Variants in CSMD1 observed in about 807,000 individuals in gnomAD.
CSMD1 encodes CUB and Sushi multiple domains 1.
Under a neutral mutation model 417.5 loss-of-function variants are expected in CSMD1, and 213 were observed. The observed-to-expected ratio is 0.51, with a 90% CI of 0.46 to 0.57. The LOEUF (loss-of-function observed/expected upper bound fraction) is 0.57, where lower values mean the gene tolerates loss of function less well. Among genes scored for constraint, CSMD1 ranks in the 20% least tolerant of loss-of-function variants. The probability of loss-of-function intolerance (pLI) is 0.00; values close to 1 mark genes in which losing one functional copy is unlikely to be tolerated. For synonymous variants in CSMD1, 2,862 were observed against 1,736.8 expected (o/e 1.65, Z -16.11); for missense variants, 6,923 against 4,529.7 (o/e 1.53, Z -15.17).
At chr8:3,071,896 G>T (rs1813347400) in intron 49 of CSMD1, among the ~76,000 whole-genome samples, 1 of 152,128 alleles carries the variant, frequency 6.6e-6, no homozygotes, top group African/African-American at 2.4e-5. Flanking sequence ...GCACATAATT[G>T]AAACTCCTGT....
chr8:3,987,705 G>T (rs578104642), intron 5 of CSMD1, among the ~76,000 whole-genome samples: 68 of 152,298 alleles, frequency 4.5e-4, no homozygotes, highest in African/African-American at 1.6e-3. Flanking sequence ...AAACTGCAAG[G>T]TGGAACGAGG....
At chr8:4,825,292 AAAC>A (rs1799761062) in intron 1 of CSMD1, among the ~76,000 whole-genome samples, 2 of 152,110 alleles carry the variant, frequency 1.3e-5, no homozygotes, top group Admixed American at 6.6e-5. Flanking sequence ...TCAAGGATAT[AAAC>A]AACTATTAGC....
intron 3 of CSMD1, among the ~76,000 whole-genome samples, chr8:4,215,306 C>A (rs1273215472): frequency 6.6e-6 from 1 of 152,198 alleles, no homozygotes; most frequent in African/African-American, 2.4e-5. Flanking sequence ...TCCCTCCCCA[C>A]CACCCAATAG....
intron 69 of CSMD1, among the ~76,000 whole-genome samples, chr8:2,941,834 A>C (rs1376520276): frequency 6.6e-6 from 1 of 152,246 alleles, no homozygotes; most frequent in Non-Finnish European, 1.5e-5. Flanking sequence ...GGCCATAGAG[A>C]ACATTCTGTT....
At chr8:4,157,360 G>A (rs991128592) in intron 3 of CSMD1, among the ~76,000 whole-genome samples, 43 of 152,142 alleles carry the variant, frequency 2.8e-4, no homozygotes, top group Admixed American at 9.8e-4. Context: ...CATTTTCTTT[G>A]AAGAAAATGT....
At position 3,514,529 on chromosome 8, in the gene CSMD1, T is replaced by C. The variant is rs141690933; in HGVS notation, c.1345-20803A>G. On this transcript the variant is annotated intron_variant, in intron 10 of 69. Transcript: ENST00000635120. ...GGCTTTAATGACAATCACTTAAAAG[T>C]AATGTTTCACAAATAAATAATATGT... 7.2e-4 allele frequency among the ~76,000 whole-genome samples: 110 copies of C among 152,330 alleles called. 1 individual carries two copies. The highest frequency in any genetic ancestry group is 2.3e-3 in the African/African-American group (96 of 41,564).
chr8:4,141,125 T>G (rs939750012), intron 3 of CSMD1, among the ~76,000 whole-genome samples: 1 of 151,228 alleles, frequency 6.6e-6, no homozygotes, highest in African/African-American at 2.5e-5. Context: ...TTACCTATGT[T>G]TCCTCCAAGA....
rs769226919 is a variant in CSMD1 at position 4,283,943 on chromosome 8, A to G, written c.415+136010T>C. 1.2e-4 allele frequency among the ~76,000 whole-genome samples: 18 copies of G among 152,304 alleles called. No homozygotes were observed. The East Asian group carries it at 2.9e-3, about 25-fold the overall frequency. On this transcript the variant is annotated intron_variant, in intron 3 of 69. Coordinates refer to ENST00000635120, the MANE Select transcript of CSMD1 (RefSeq NM_033225.6). ...AAATCTGGACACACCATTATTAACAATAAGTTTGGCCAGGGGTGGTGGCTC... is the reference window on the plus strand; with the variant it reads ...AAATCTGGACACACCATTATTAACAGTAAGTTTGGCCAGGGGTGGTGGCTC...
intron 6 of CSMD1, among the ~76,000 whole-genome samples, chr8:3,749,062 G>A (rs1008615547): frequency 2.0e-5 from 3 of 152,128 alleles, no homozygotes; most frequent in Admixed American, 2.0e-4. Context: ...ACACTTAGAT[G>A]ACTATTTAGT....
chr8:4,566,512 G>A (rs921996864), intron 2 of CSMD1, among the ~76,000 whole-genome samples: 1 of 151,766 alleles, frequency 6.6e-6, no homozygotes, highest in African/African-American at 2.4e-5. Context: ...AATTAGCCGG[G>A]CGTGGTGGCG....
chr8:3,316,723 G>C (rs556885210), intron 23 of CSMD1, among the ~76,000 whole-genome samples: 15 of 152,248 alleles, frequency 9.9e-5, no homozygotes, highest in Non-Finnish European at 1.3e-4. Flanking sequence ...AGGGAAGACA[G>C]GAAAGGTCAC....
At chr8:4,966,335 C>A (rs1375628233) in intron 1 of CSMD1, among the ~76,000 whole-genome samples, 1 of 151,996 alleles carries the variant, frequency 6.6e-6, no homozygotes, top group Non-Finnish European at 1.5e-5. Flanking sequence ...GCCAAGATCA[C>A]ACCATTGCAC....
At chr8:3,651,077 G>C (rs1351530294) in intron 7 of CSMD1, among the ~76,000 whole-genome samples, 1 of 152,132 alleles carries the variant, frequency 6.6e-6, no homozygotes, top group Non-Finnish European at 1.5e-5. Flanking sequence ...CCATATTCAA[G>C]ATTCGTGCAT....
chr8:4,094,694 G>C (rs11136700), intron 3 of CSMD1, among the ~76,000 whole-genome samples: 53,882 of 151,962 alleles, frequency 0.35, 10,369 homozygotes, highest in Non-Finnish European at 0.43. Context: ...GAGAGGAAAC[G>C]CCGGCTTCTA....
At chr8:4,336,837 T>C (rs145267746) in intron 3 of CSMD1, among the ~76,000 whole-genome samples, 11 of 152,152 alleles carry the variant, frequency 7.2e-5, no homozygotes, top group African/African-American at 2.4e-4. Context: ...GGAATGAAGA[T>C]GGGGTTGAGA....
intron 40 of CSMD1, among the ~76,000 whole-genome samples, chr8:3,144,756 A>T (rs1195272967): frequency 6.7e-6 from 1 of 150,090 alleles, no homozygotes; most frequent in Non-Finnish European, 1.5e-5. Context: ...CAGAAGTGAG[A>T]AAAAAAGAAA....
At chr8:3,850,830 G>C (rs1270659786) in intron 5 of CSMD1, among the ~76,000 whole-genome samples, 1 of 152,030 alleles carries the variant, frequency 6.6e-6, no homozygotes, top group Non-Finnish European at 1.5e-5. Flanking sequence ...AGTTACTGAA[G>C]GATAAAAAAT....
At chr8:4,750,028 A>G (rs1197815183) in intron 1 of CSMD1, among the ~76,000 whole-genome samples, 2 of 151,836 alleles carry the variant, frequency 1.3e-5, no homozygotes, top group East Asian at 1.9e-4. Context: ...TTTTTTTGAG[A>G]TGGAGTCTCG....
At chr8:3,468,863 A>C (rs764956488) in intron 11 of CSMD1, 39 bp from the exon 12 acceptor site, 1 of 1,358,768 alleles carries the variant, frequency 7.4e-7, no homozygotes, top group South Asian at 1.2e-5. Context: ...TAGGTAAGGC[A>C]ACAAGTACAT....
Sources: allele counts gnomAD v4.1 joint callset (sites outside exome capture counted in the v4.1 genomes callset), GRCh38; gene constraint gnomAD v4.1.1; transcripts MANE v1.5; gene names NCBI Gene and HGNC (gene_info 2026-07-23, HGNC 2026-07-21).